PATJ: variants seen among roughly 807,000 people sequenced by gnomAD.
PATJ encodes the protein PATJ crumbs cell polarity complex component.
A neutral mutation model predicts 224.9 loss-of-function variants in PATJ; 190 were observed. The observed-to-expected ratio is 0.84, with a 90% CI of 0.75 to 0.95. PATJ has a LOEUF of 0.95. Ranked by LOEUF, PATJ falls within the 40% of genes least tolerant of loss-of-function variation. The pLI is 0.00. For synonymous variants in PATJ, 769 were observed against 820.3 expected (o/e 0.94, Z 1.07); for missense variants, 2,121 against 2,270.3 (o/e 0.93, Z 1.34).
chr1:61,786,843 G>A (rs527860315), intron 7 of PATJ, among the ~76,000 whole-genome samples: 12 of 152,088 alleles, frequency 7.9e-5, no homozygotes, highest in Middle Eastern at 3.4e-3. Context: ...AAAATTAGCC[G>A]AGCGTGGTGG....
intron 22 of PATJ, among the ~76,000 whole-genome samples, chr1:61,884,807 C>T (rs982146407): frequency 1.3e-5 from 2 of 151,850 alleles, no homozygotes; most frequent in African/African-American, 4.8e-5. Flanking sequence ...TGTTTTTGGA[C>T]TAGGAAACTA....
chr1:61,971,335 G>A (rs534745869), intron 27 of PATJ, among the ~76,000 whole-genome samples: 4 of 152,264 alleles, frequency 2.6e-5, no homozygotes, highest in Admixed American at 2.6e-4. Context: ...GTTAGTGTCT[G>A]GTTTCTTTCC....
chr1:62,146,150 G>T (rs78291008), intron 41 of PATJ, among the ~76,000 whole-genome samples: 1 of 152,052 alleles, frequency 6.6e-6, no homozygotes. Context: ...AACGTGCCAG[G>T]CAGAAGGCAC....
intron 17 of PATJ, among the ~76,000 whole-genome samples, chr1:61,837,832 G>A (rs1660426703): frequency 6.7e-6 from 1 of 149,228 alleles, no homozygotes; most frequent in African/African-American, 2.5e-5. Context: ...AGCAGATAAA[G>A]GAGCTTGAAT....
chr1:61,844,837 CT>C (rs1661671194), intron 17 of PATJ, among the ~76,000 whole-genome samples: 2 of 152,110 alleles, frequency 1.3e-5, no homozygotes, highest in African/African-American at 4.8e-5. Context: ...AAGCTCCCCC[CT>C]CATTCTCTCT....
rs149673607 is a variant in PATJ at position 61,820,364 on chromosome 1, C to T, written c.1684-2581C>T. Among the ~76,000 whole-genome samples the T allele has an allele frequency of 7.5e-3, 1,125 of 149,234 alleles. 54 individuals carry two copies. The highest frequency in any genetic ancestry group is 0.068 in the Admixed American group (1,016 of 14,924). On this transcript the variant is annotated intron_variant, in intron 14 of 43. Coordinates refer to ENST00000642238, the MANE Select transcript of PATJ (RefSeq NM_001350145.3). ...ATTTATTTATTTATTTATTTAGAGA[C>T]GGAGTTTCAGTCTTGTTGCCCAGGC...
At chr1:61,845,669 T>C (rs931213409) in intron 17 of PATJ, among the ~76,000 whole-genome samples, 13 of 152,222 alleles carry the variant, frequency 8.5e-5, no homozygotes, top group Non-Finnish European at 4.4e-5. Context: ...CTACATATTG[T>C]GTGCTGTATA....
chr1:61,900,779 C>CG (rs1441918707), intron 23 of PATJ, among the ~76,000 whole-genome samples: 1 of 151,996 alleles, frequency 6.6e-6, no homozygotes, highest in African/African-American at 2.4e-5. Context: ...TTAGTAGAGA[C>CG]GGGGTTTCAC....
chr1:61,939,675 G>GTTTTTTTT (rs1677476831), intron 27 of PATJ, among the ~76,000 whole-genome samples: 1 of 67,652 alleles, frequency 1.5e-5, no homozygotes, highest in African/African-American at 6.0e-5. Context: ...GTTTCTATGT[G>GTTTTTTTT]CTTTTTTTTT....
Position 61,791,374 on chromosome 1 carries a change from T to C in PATJ, c.1095T>C (p.Asn365=), listed in dbSNP as rs1649825413. The C allele has an allele frequency of 1.2e-6, 2 of 1,611,956 alleles. No individual in the cohort carries two copies. Among genetic ancestry groups the C allele is most frequent in the East Asian group, 2.2e-5 (1 of 44,784 alleles). The change falls in exon 9 of 44, where the codon AAT becomes AAC. Residue 365 remains asparagine, a synonymous_variant. Coordinates refer to ENST00000642238, the MANE Select transcript of PATJ (RefSeq NM_001350145.3). Reference sequence around the variant, plus strand: ...ACAGTTCTCTTTTTGAAACTTATAATGTTGAGCTTGTGAGAAAAGATGGGC... The same window carrying C: ...ACAGTTCTCTTTTTGAAACTTATAACGTTGAGCTTGTGAGAAAAGATGGGC... ...GSDSSLFETY[N]VELVRKDGQS...
intron 43 of PATJ, among the ~76,000 whole-genome samples, chr1:62,155,959 G>A (rs1293547552): frequency 6.7e-6 from 1 of 150,186 alleles, no homozygotes; most frequent in East Asian, 2.0e-4. Flanking sequence ...TCGGGAGGCT[G>A]AGGCAGGAGA....
At chr1:62,120,008 A>C (rs1164887462) in intron 37 of PATJ, among the ~76,000 whole-genome samples, 1 of 152,170 alleles carries the variant, frequency 6.6e-6, no homozygotes, top group Admixed American at 6.5e-5. Context: ...TAAAGGCAAA[A>C]GTTATAATAT....
Position 61,861,284 on chromosome 1 carries a change from C to CTTTTTTTTTTTTTTTTTTT in PATJ, c.2323-262_2323-244dup. Among the ~76,000 whole-genome samples, 250 of 48,812 alleles carry CTTTTTTTTTTTTTTTTTTT rather than the reference C, an allele frequency of 5.1e-3. 24 individuals carry two copies. Among genetic ancestry groups the CTTTTTTTTTTTTTTTTTTT allele is most frequent in the East Asian group, 9.1e-3 (6 of 660 alleles). The allele number at this position is 48,812 out of a possible 152,430, so 32.0% of individuals were successfully genotyped here. A position where few individuals can be genotyped will look rare whatever the true frequency, so the allele number is the denominator to read the frequency against. ...TGAAACCAGGATATTTTCTTTCTTT[C>CTTTTTTTTTTTTTTTTTTT]TTTTTTTTTTTTTTTTTTTTTTTAC... On this transcript the variant is annotated intron_variant, in intron 18 of 43. Transcript: ENST00000642238.
intron 7 of PATJ, among the ~76,000 whole-genome samples, chr1:61,786,892 A>G (rs1218134392): frequency 1.3e-5 from 2 of 152,158 alleles, no homozygotes; most frequent in East Asian, 3.9e-4. Context: ...AGGCTGAGGC[A>G]GGAGAATTGC....
chr1:61,979,938 A>G (rs1644360930), intron 27 of PATJ, among the ~76,000 whole-genome samples: 1 of 152,024 alleles, frequency 6.6e-6, no homozygotes, highest in Non-Finnish European at 1.5e-5. Flanking sequence ...GGGTATAGGC[A>G]GGGCACCTCT....
intron 14 of PATJ, among the ~76,000 whole-genome samples, chr1:61,815,402 G>C (rs534796316): frequency 1.3e-5 from 2 of 152,192 alleles, no homozygotes; most frequent in Non-Finnish European, 2.9e-5. Context: ...CCAGTGGGAG[G>C]TTTTGAGCAG....
chr1:61,983,348 G>GAA (rs77481154), intron 27 of PATJ, among the ~76,000 whole-genome samples: 1 of 151,668 alleles, frequency 6.6e-6, no homozygotes, highest in African/African-American at 2.4e-5. Flanking sequence ...ATGAGGCACT[G>GAA]AAAAAAATGA....
At chr1:62,073,293 C>T (rs1322358904) in intron 31 of PATJ, 20 of 985,118 alleles carry the variant, frequency 2.0e-5, no homozygotes, top group Non-Finnish European at 2.3e-5. Flanking sequence ...ATCTTGTGTT[C>T]ACCTCTCTGT....
chr1:61,900,492 G>A (rs1432791467), intron 23 of PATJ, among the ~76,000 whole-genome samples: 2 of 152,158 alleles, frequency 1.3e-5, no homozygotes, highest in South Asian at 2.1e-4. Context: ...CTGCTGACTG[G>A]GAAAAGCAAC....
Sources: allele counts gnomAD v4.1 joint callset (sites outside exome capture counted in the v4.1 genomes callset), GRCh38; gene constraint gnomAD v4.1.1; transcripts MANE v1.5; gene names NCBI Gene and HGNC (gene_info 2026-07-23, HGNC 2026-07-21).